SPOCK1: variants seen among roughly 807,000 people sequenced by gnomAD.
SPOCK1 encodes testican-1.
Under a neutral mutation model 55.3 loss-of-function variants are expected in SPOCK1, and 23 were observed. The observed-to-expected ratio is 0.42, with a 90% confidence interval of 0.30 to 0.59. The LOEUF is 0.59. Ranked by LOEUF, SPOCK1 falls within the 20% of genes least tolerant of loss-of-function variation. The probability of loss-of-function intolerance (pLI) is 0.22; values close to 1 mark genes in which losing one functional copy is unlikely to be tolerated. For synonymous variants in SPOCK1, 226 were observed against 221.0 expected (o/e 1.02, Z -0.20); for missense variants, 499 against 552.5 (o/e 0.90, Z 0.97).
chr5:137,020,207 C>T (rs940906474), intron 6 of SPOCK1, among the ~76,000 whole-genome samples: 5 of 151,240 alleles, frequency 3.3e-5, no homozygotes, highest in Admixed American at 1.3e-4. Context: ...AAAAAAACCC[C>T]ATCTGATTGC....
intron 3 of SPOCK1, among the ~76,000 whole-genome samples, chr5:137,180,882 A>G (rs1375722454): frequency 6.6e-6 from 1 of 152,212 alleles, no homozygotes; most frequent in Non-Finnish European, 1.5e-5. Context: ...CAATGAAAAA[A>G]TGAAATGATG....
chr5:136,999,421 C>A (rs567356376), intron 6 of SPOCK1, among the ~76,000 whole-genome samples: 1 of 152,258 alleles, frequency 6.6e-6, no homozygotes, highest in East Asian at 1.9e-4. Context: ...CTCCCTCAGA[C>A]AAAACCAGGG....
intron 3 of SPOCK1, among the ~76,000 whole-genome samples, chr5:137,169,456 A>T (rs749436719): frequency 5.9e-5 from 9 of 152,096 alleles, no homozygotes; most frequent in Non-Finnish European, 7.4e-5. Context: ...AAATATATAT[A>T]CCTACTACAC....
chr5:137,017,551 A>AAT (rs1396290176), intron 6 of SPOCK1, among the ~76,000 whole-genome samples: 1 of 152,232 alleles, frequency 6.6e-6, no homozygotes, highest in Non-Finnish European at 1.5e-5. Flanking sequence ...ACCACAAAAC[A>AAT]ATATATGACG....
chr5:137,475,128 TAC>T, intron 2 of SPOCK1, among the ~76,000 whole-genome samples: 1 of 152,142 alleles, frequency 6.6e-6, no homozygotes, highest in South Asian at 2.1e-4. Context: ...TCTTATGTGA[TAC>T]AGTGGGAAGT....
At chr5:137,477,569 G>C (rs968236203) in intron 2 of SPOCK1, among the ~76,000 whole-genome samples, 5 of 152,116 alleles carry the variant, frequency 3.3e-5, no homozygotes, top group East Asian at 1.9e-4. Context: ...GGGAAGCAGA[G>C]GGGGCCAGCC....
At chr5:137,214,505 T>C (rs1561473909) in intron 3 of SPOCK1, among the ~76,000 whole-genome samples, 1 of 151,948 alleles carries the variant, frequency 6.6e-6, no homozygotes, top group Non-Finnish European at 1.5e-5. Context: ...AGTATTTCTC[T>C]ACAGCCAAGC....
At chr5:137,315,251 T>G (rs1757858088) in intron 2 of SPOCK1, among the ~76,000 whole-genome samples, 1 of 152,226 alleles carries the variant, frequency 6.6e-6, no homozygotes, top group Non-Finnish European at 1.5e-5. Context: ...AGTGACTCTC[T>G]GTATTTCATA....
chr5:137,241,353 C>A (rs1031418042), intron 3 of SPOCK1, among the ~76,000 whole-genome samples: 2 of 152,118 alleles, frequency 1.3e-5, no homozygotes, highest in Admixed American at 1.3e-4. Context: ...TAATATCTCT[C>A]TATATAAAGA....
At chr5:137,236,526 C>T (rs1227487796) in intron 3 of SPOCK1, among the ~76,000 whole-genome samples, 2 of 152,202 alleles carry the variant, frequency 1.3e-5, no homozygotes, top group East Asian at 3.8e-4. Context: ...TCCCTGTAGG[C>T]CCCACAAATG....
intron 3 of SPOCK1, among the ~76,000 whole-genome samples, chr5:137,208,059 G>A (rs1305024382): frequency 2.0e-5 from 3 of 152,114 alleles, no homozygotes; most frequent in Non-Finnish European, 2.9e-5. Context: ...AAAAGAGCCA[G>A]CCTCACTATG....
At chr5:137,258,287 C>G (rs1287443135) in intron 3 of SPOCK1, among the ~76,000 whole-genome samples, 36 of 152,364 alleles carry the variant, frequency 2.4e-4, no homozygotes, top group Non-Finnish European at 7.3e-5. Context: ...GGCCTTTCCA[C>G]TATACCGCAT....
At chr5:137,266,114 G>A (rs1419616430) in intron 3 of SPOCK1, among the ~76,000 whole-genome samples, 1 of 152,162 alleles carries the variant, frequency 6.6e-6, no homozygotes, top group East Asian at 1.9e-4. Flanking sequence ...GGGCAGAAAG[G>A]AGCACCTTCC....
At chr5:137,415,682 T>A (rs921116107) in intron 2 of SPOCK1, among the ~76,000 whole-genome samples, 5 of 152,136 alleles carry the variant, frequency 3.3e-5, no homozygotes, top group African/African-American at 1.2e-4. Flanking sequence ...CCCAGATGAA[T>A]AAAAATTTAA....
At chr5:137,492,771 C>T (rs17499) in intron 2 of SPOCK1, among the ~76,000 whole-genome samples, 1 of 152,008 alleles carries the variant, frequency 6.6e-6, no homozygotes, top group Non-Finnish European at 1.5e-5. Context: ...GTTGCTTGGA[C>T]CATGTCTTTT....
intron 2 of SPOCK1, among the ~76,000 whole-genome samples, chr5:137,383,305 C>T (rs1206499405): frequency 4.6e-5 from 7 of 152,142 alleles, no homozygotes; most frequent in Non-Finnish European, 5.9e-5. Context: ...AATGGCAGCT[C>T]CATTTGCCCT....
At chr5:137,091,865 T>C (rs1753059947) in intron 5 of SPOCK1, among the ~76,000 whole-genome samples, 1 of 152,198 alleles carries the variant, frequency 6.6e-6, no homozygotes, top group Non-Finnish European at 1.5e-5. Context: ...CTCTTACAGA[T>C]TCTTTATAAT....
At chr5:137,268,821 G>T (rs1486192623) in intron 2 of SPOCK1, among the ~76,000 whole-genome samples, 2 of 152,206 alleles carry the variant, frequency 1.3e-5, no homozygotes, top group African/African-American at 4.8e-5. Context: ...GTGAAATCTT[G>T]TGAAATATTT....
chr5:137,464,597 T>A (rs972122699), intron 2 of SPOCK1, among the ~76,000 whole-genome samples: 1 of 34,620 alleles, frequency 2.9e-5, no homozygotes, highest in Admixed American at 4.1e-4. Context: ...TGGGGTGGGG[T>A]GGGGTGGTAG....
Sources: gnomAD v4.1 joint callset for allele counts (sites outside exome capture counted in the v4.1 genomes callset) on GRCh38, gnomAD v4.1.1 for gene constraint, MANE v1.5 for transcripts, NCBI Gene and HGNC (gene_info 2026-07-23, HGNC 2026-07-21) for gene names.